Variants in SYTL3 observed in about 807,000 individuals in gnomAD.
SYTL3 encodes synaptotagmin like 3.
A neutral mutation model predicts 82.1 loss-of-function variants in SYTL3; 88 were observed. The observed-to-expected ratio is 1.07, with a 90% CI of 0.90 to 1.28. The LOEUF is 1.28. Among genes scored for constraint, SYTL3 ranks in the 50% most tolerant of loss-of-function variants. The pLI, the probability that SYTL3 is intolerant of heterozygous loss-of-function variation, is 0.00. For missense variants in SYTL3, 831 were observed against 757.6 expected, an observed-to-expected ratio of 1.10 and a Z score of -1.14; for synonymous variants, 311 against 289.4, an observed-to-expected ratio of 1.07 and a Z score of -0.76.
intron 13 of SYTL3, among the ~76,000 whole-genome samples, chr6:158,755,084 TG>T (rs1408829514): frequency 2.0e-5 from 3 of 152,152 alleles, no homozygotes; most frequent in Non-Finnish European, 4.4e-5. Flanking sequence ...GGCTCACGCT[TG>T]TAATCCCAGA....
intron 6 of SYTL3, among the ~76,000 whole-genome samples, chr6:158,692,171 T>C (rs1779956002): frequency 7.5e-6 from 1 of 132,730 alleles, no homozygotes; most frequent in African/African-American, 2.8e-5. Context: ...GGCAGGAGAA[T>C]GGTGGGAACT....
chr6:158,689,547 C>A (rs1456709868), intron 6 of SYTL3, among the ~76,000 whole-genome samples: 4 of 152,148 alleles, frequency 2.6e-5, no homozygotes, highest in African/African-American at 9.7e-5. Context: ...GTAGGCAAAT[C>A]TCCTTTTCCC....
At chr6:158,669,731 T>G (rs916355659) in intron 5 of SYTL3, among the ~76,000 whole-genome samples, 5 of 152,204 alleles carry the variant, frequency 3.3e-5, no homozygotes, top group African/African-American at 4.8e-5. Context: ...GGTTGGGTCT[T>G]GAGTTATTGC....
At chr6:158,647,848 G>C (rs1787582388), upstream of SYTL3, among the ~76,000 whole-genome samples, 1 of 152,372 alleles carries the variant, frequency 6.6e-6, no homozygotes, top group South Asian at 2.1e-4. Context: ...GTGATAGGTT[G>C]GCAGGTTTGC....
chr6:158,730,092 C>T (rs181145104), intron 11 of SYTL3, among the ~76,000 whole-genome samples: 1 of 152,214 alleles, frequency 6.6e-6, no homozygotes, highest in African/African-American at 2.4e-5. Context: ...CACATTCCAG[C>T]TTGCAGCCTA....
At chr6:158,751,437 G>A (rs1239817532) in intron 12 of SYTL3, among the ~76,000 whole-genome samples, 1 of 152,208 alleles carries the variant, frequency 6.6e-6, no homozygotes, top group Non-Finnish European at 1.5e-5. Flanking sequence ...GCGACCTCTA[G>A]ACTCAGCAGA....
intron 5 of SYTL3, among the ~76,000 whole-genome samples, chr6:158,668,429 A>G (rs1790358310): frequency 6.6e-6 from 1 of 152,094 alleles, no homozygotes. Context: ...GGGTTTCACC[A>G]TGTTGGCCAG....
intron 8 of SYTL3, among the ~76,000 whole-genome samples, chr6:158,710,106 A>C (rs140125149): frequency 1.5e-4 from 23 of 152,302 alleles, no homozygotes; most frequent in African/African-American, 4.8e-4. Flanking sequence ...ATAGGCAAAA[A>C]CAGCATGCAT....
intron 6 of SYTL3, among the ~76,000 whole-genome samples, chr6:158,692,773 TAAA>T (rs35173536): frequency 0.1 from 12,753 of 121,570 alleles, 656 homozygotes; most frequent in Middle Eastern, 0.15. Context: ...CCGTCTCTAC[TAAA>T]AAAAAAAAAA....
At chr6:158,739,034 C>G (rs1323974313) in intron 11 of SYTL3, among the ~76,000 whole-genome samples, 1 of 152,238 alleles carries the variant, frequency 6.6e-6, no homozygotes, top group Non-Finnish European at 1.5e-5. Context: ...CCCTCCCTGT[C>G]TGGCTCCCTG....
At chr6:158,659,732 G>C (rs1789130810) in intron 2 of SYTL3, among the ~76,000 whole-genome samples, 1 of 152,196 alleles carries the variant, frequency 6.6e-6, no homozygotes, top group Non-Finnish European at 1.5e-5. Context: ...ACAGCATCTT[G>C]ACTTTTCATT....
At chr6:158,744,842 C>T (rs980191722) in intron 11 of SYTL3, among the ~76,000 whole-genome samples, 3 of 152,170 alleles carry the variant, frequency 2.0e-5, no homozygotes, top group Non-Finnish European at 4.4e-5. Context: ...ATTAGCCTCT[C>T]CTTATCTACA....
At chr6:158,662,139 C>T (rs528485707) in intron 3 of SYTL3, among the ~76,000 whole-genome samples, 2 of 152,162 alleles carry the variant, frequency 1.3e-5, no homozygotes, top group East Asian at 3.9e-4. Flanking sequence ...TGAAGCCTAG[C>T]AAAGGAAGTT....
chr6:158,732,888 A>G (rs1265225764), intron 11 of SYTL3, among the ~76,000 whole-genome samples: 1 of 152,118 alleles, frequency 6.6e-6, no homozygotes, highest in Non-Finnish European at 1.5e-5. Context: ...ATCAACCAAA[A>G]AAACTCTTTC....
At chr6:158,680,284 A>G (rs577975231) in intron 5 of SYTL3, among the ~76,000 whole-genome samples, 1 of 152,324 alleles carries the variant, frequency 6.6e-6, no homozygotes, top group South Asian at 2.1e-4. Context: ...ACTTCTGCCT[A>G]GAGGCTGAGA....
chr6:158,764,779 A>G lies in SYTL3; in HGVS notation c.*175A>G, dbSNP rs555826649. Reference sequence around the variant, plus strand: ...ATTGGTATCTGTGTATATTTACGTTAAACACAATTATGTTACCTAAGCCTC... The same window carrying G: ...ATTGGTATCTGTGTATATTTACGTTGAACACAATTATGTTACCTAAGCCTC... On this transcript the variant is annotated 3_prime_UTR_variant, in exon 18 of 18. Transcript: ENST00000611299. 1.5e-5 allele frequency: 8 copies of G among 533,572 alleles called. No individual in the cohort carries two copies. The South Asian group carries it at 2.2e-4, about 15-fold the overall frequency. The allele number at this position is 533,572 out of a possible 1,614,324, so 33.1% of individuals were successfully genotyped here.
At chr6:158,662,087 A>G (rs1372871046) in intron 3 of SYTL3, among the ~76,000 whole-genome samples, 2 of 152,212 alleles carry the variant, frequency 1.3e-5, no homozygotes, top group African/African-American at 2.4e-5. Flanking sequence ...CTCATTCACT[A>G]ATTTGCCATG....
At chr6:158,750,021 G>A (rs1788195421) in intron 12 of SYTL3, among the ~76,000 whole-genome samples, 1 of 152,150 alleles carries the variant, frequency 6.6e-6, no homozygotes, top group East Asian at 1.9e-4. Flanking sequence ...TTCATCAACA[G>A]GATAAATGAC....
rs759283497 is a variant in SYTL3 at position 158,764,648 on chromosome 6, T to C, written c.*44T>C. On this transcript the variant is annotated 3_prime_UTR_variant, in exon 18 of 18. Transcript: ENST00000611299. ...CCAGGTTGCAGCAGGCGTGAGGCAC[T>C]GTGCGTCTGCAGAGGGGCTACGAAC... is the stretch of plus-strand genomic sequence containing the variant. 1.4e-5 allele frequency: 20 copies of C among 1,420,670 alleles called. No individual in the cohort carries two copies. In the Admixed American group the frequency reaches 3.4e-4, roughly 24 times the overall value. 88.0% of individuals were successfully genotyped at this position (1,420,670 alleles called of 1,614,324 possible).
Sources: gnomAD v4.1 joint callset for allele counts (sites outside exome capture counted in the v4.1 genomes callset) on GRCh38, gnomAD v4.1.1 for gene constraint, MANE v1.5 for transcripts, NCBI Gene and HGNC (gene_info 2026-07-23, HGNC 2026-07-21) for gene names.